Variants in RMND1 observed in about 807,000 individuals in gnomAD.
RMND1 encodes the protein required for meiotic nuclear division protein 1 homolog.
RMND1 carries 41 observed loss-of-function variants against 54.0 expected under a neutral mutation model. The ratio of observed to expected loss-of-function variants is 0.76; its 90% CI spans 0.59 to 0.98. RMND1 has a LOEUF of 0.98. Ranked by LOEUF, RMND1 falls within the 50% of genes least tolerant of loss-of-function variation. The probability of loss-of-function intolerance (pLI) is 0.00; values close to 1 mark genes in which losing one functional copy is unlikely to be tolerated. For missense variants in RMND1, 457 were observed against 532.0 expected (o/e 0.86, Z 1.39); for synonymous variants, 183 against 181.7 (o/e 1.01, Z -0.06).
chr6:151,424,785 T>C (rs1780249250), intron 6 of RMND1, among the ~76,000 whole-genome samples: 1 of 151,500 alleles, frequency 6.6e-6, no homozygotes, highest in Non-Finnish European at 1.5e-5. Context: ...TGTGTGAATA[T>C]AAACATCACA....
At chr6:151,410,681 T>C (rs1354416265) in intron 10 of RMND1, among the ~76,000 whole-genome samples, 1 of 152,200 alleles carries the variant, frequency 6.6e-6, no homozygotes, top group Non-Finnish European at 1.5e-5. Context: ...TCCAATTGAT[T>C]AATTAATATT....
At chr6:151,428,195 A>G (rs1318332268) in intron 5 of RMND1, among the ~76,000 whole-genome samples, 1 of 152,188 alleles carries the variant, frequency 6.6e-6, no homozygotes, top group African/African-American at 2.4e-5. Context: ...GGAGGTGATC[A>G]TCTCTTTCTC....
At chr6:151,450,580 G>A (rs1205050419) in intron 1 of RMND1, among the ~76,000 whole-genome samples, 1 of 147,048 alleles carries the variant, frequency 6.8e-6, no homozygotes, top group Non-Finnish European at 1.5e-5. Flanking sequence ...AGGGAGGTGG[G>A]GGGGTCAGCC....
At chr6:151,405,877 T>G in intron 10 of RMND1, 41 bp from the exon 11 acceptor site, 1 of 1,032,560 alleles carries the variant, frequency 9.7e-7, no homozygotes, top group Non-Finnish European at 1.5e-6. Context: ...TTAAACAATT[T>G]AATACGGTCA....
At chr6:151,406,511 G>A (rs748902396) in intron 10 of RMND1, among the ~76,000 whole-genome samples, 3 of 152,100 alleles carry the variant, frequency 2.0e-5, no homozygotes, top group Non-Finnish European at 2.9e-5. Flanking sequence ...ACAGGTGCCC[G>A]CCACCACGCC....
intron 10 of RMND1, among the ~76,000 whole-genome samples, chr6:151,415,913 G>A (rs1200150192): frequency 6.6e-6 from 1 of 152,128 alleles, no homozygotes; most frequent in African/African-American, 2.4e-5. Context: ...GACAGTCCGG[G>A]TAGGGGGAGG....
At chr6:151,433,814 T>G (rs1481503270) in intron 3 of RMND1, among the ~76,000 whole-genome samples, 1 of 151,216 alleles carries the variant, frequency 6.6e-6, no homozygotes, top group Non-Finnish European at 1.5e-5. Context: ...CTGCAACTAT[T>G]TAAAAAAAAA....
chr6:151,432,042 T>C (rs994187052), intron 4 of RMND1, among the ~76,000 whole-genome samples: 4 of 150,342 alleles, frequency 2.7e-5, no homozygotes, highest in Admixed American at 1.3e-4. Flanking sequence ...TTCAAGTGAA[T>C]CTCCTGCCTC....
At chr6:151,448,424 C>T (rs1781025574) in intron 1 of RMND1, among the ~76,000 whole-genome samples, 1 of 152,146 alleles carries the variant, frequency 6.6e-6, no homozygotes, top group African/African-American at 2.4e-5. Context: ...CCATTCTAAC[C>T]TCTCCCTTAT....
intron 2 of RMND1, among the ~76,000 whole-genome samples, chr6:151,440,140 A>G (rs1780735403): frequency 6.6e-6 from 1 of 152,082 alleles, no homozygotes; most frequent in South Asian, 2.1e-4. Context: ...TATTTTTAGT[A>G]GAGACGGTGT....
At chr6:151,436,718 G>T in intron 2 of RMND1, 164 bp from the exon 3 acceptor site, 1 of 580,402 alleles carries the variant, frequency 1.7e-6, no homozygotes, top group Non-Finnish European at 2.8e-6. Flanking sequence ...TGAAGAGAAT[G>T]AAGTTACTGG....
At chr6:151,428,695 C>G (rs1780373441) in intron 5 of RMND1, among the ~76,000 whole-genome samples, 1 of 152,160 alleles carries the variant, frequency 6.6e-6, no homozygotes, top group Non-Finnish European at 1.5e-5. Flanking sequence ...CCACACCTGG[C>G]TAACTTCTAA....
intron 11 of RMND1, 97 bp from the exon 12 acceptor site, chr6:151,405,364 AGTAAG>A (rs909613090): frequency 5.0e-6 from 6 of 1,190,780 alleles, no homozygotes; most frequent in African/African-American, 4.6e-5. Flanking sequence ...ATGCTCCTGA[AGTAAG>A]GTAAATGTTT....
At chr6:151,423,767 C>A (rs932202680) in intron 6 of RMND1, 136 bp from the exon 7 acceptor site, 4 of 660,844 alleles carry the variant, frequency 6.1e-6, no homozygotes, top group Admixed American at 2.4e-5. Context: ...GTTCTCATAT[C>A]CTTTGGTCCA....
rs1460315035 is a variant in RMND1 at position 151,405,732 on chromosome 6, G to A, written c.1305C>T (p.Leu435=). The part of the protein sequence containing the change: ...ALRLEWMIVI[L]ITIEVMFELG... ...ATTTCCATCTTACCTCTATGGTAAT[G>A]AGGATGACAATCATCCACTCCAAGC... is the stretch of plus-strand genomic sequence containing the variant. Residue 435 remains leucine, a synonymous_variant, in exon 11 of 12, where the codon CTC becomes CTT. Coordinates refer to ENST00000444024, the MANE Select transcript of RMND1 (RefSeq NM_017909.4). The A allele has an allele frequency of 2.6e-6, 4 of 1,532,044 alleles. No homozygotes were observed. The highest frequency in any genetic ancestry group is 2.7e-6 in the Non-Finnish European group (3 of 1,105,706). The allele number at this position is 1,532,044 out of a possible 1,614,324, so 94.9% of individuals were successfully genotyped here.
chr6:151,425,045 C>T (rs536788821), intron 6 of RMND1, among the ~76,000 whole-genome samples: 3 of 152,200 alleles, frequency 2.0e-5, no homozygotes, highest in East Asian at 3.9e-4. Context: ...TGGGTTCCAG[C>T]GATTCTCCTG....
At chr6:151,450,497 C>T (rs1426284707) in intron 1 of RMND1, among the ~76,000 whole-genome samples, 2 of 137,510 alleles carry the variant, frequency 1.5e-5, no homozygotes, top group East Asian at 4.9e-4. Flanking sequence ...GTCAGCCCCC[C>T]GCCCGGCCAG....
chr6:151,427,072 CT>C (rs1259970634), intron 6 of RMND1, among the ~76,000 whole-genome samples: 1 of 151,366 alleles, frequency 6.6e-6, no homozygotes, highest in Non-Finnish European at 1.5e-5. Flanking sequence ...CGCCTGGCCA[CT>C]TTTTTCTTAA....
chr6:151,432,264 A>G (rs759560279), intron 4 of RMND1, among the ~76,000 whole-genome samples: 115 of 152,170 alleles, frequency 7.6e-4, no homozygotes, highest in Non-Finnish European at 1.1e-3. Flanking sequence ...TCTGCTAGAC[A>G]GTGCTGATGT....
Sources: gnomAD v4.1 joint callset for allele counts (sites outside exome capture counted in the v4.1 genomes callset) on GRCh38, gnomAD v4.1.1 for gene constraint, MANE v1.5 for transcripts, NCBI Gene and HGNC (gene_info 2026-07-23, HGNC 2026-07-21) for gene names.